ARRB1: variants seen among roughly 807,000 people sequenced by gnomAD.
The protein encoded by ARRB1 is arrestin beta 1, also known as beta-arrestin-1.
Under a neutral mutation model 56.8 loss-of-function variants are expected in ARRB1, and 21 were observed. The observed-to-expected ratio is 0.37, with a 90% CI of 0.26 to 0.53. The LOEUF (loss-of-function observed/expected upper bound fraction) is 0.53, where lower values mean the gene tolerates loss of function less well. Among genes scored for constraint, ARRB1 ranks in the 20% least tolerant of loss-of-function variants. The pLI, the probability that ARRB1 is intolerant of heterozygous loss-of-function variation, is 0.88. For missense variants in ARRB1, 424 were observed against 553.7 expected (o/e 0.77, Z 2.35); for synonymous variants, 210 against 218.6 (o/e 0.96, Z 0.35).
chr11:75,274,212 C>T lies in ARRB1; in HGVS notation c.777-1G>A. ...CGTCGAGCTGGGTGCCACAGTGTCA[C>T]TGGGAAGAAAGGAAGCAGCTGTGGA... is the stretch of plus-strand genomic sequence containing the variant. On this transcript the variant is annotated splice_acceptor_variant, in intron 10 of 15. Coordinates refer to ENST00000420843, the MANE Select transcript of ARRB1 (RefSeq NM_004041.5). LOFTEE classifies it high-confidence loss of function. 6.2e-7 allele frequency: 1 copy of T among 1,613,990 alleles called. No individual in the cohort carries two copies. The highest frequency in any genetic ancestry group is 2.2e-5 in the East Asian group (1 of 44,872).
rs142776460 is a variant in ARRB1 at position 75,307,514 on chromosome 11, C to G, written c.21-17475G>C. Among the ~76,000 whole-genome samples the G allele has an allele frequency of 6.0e-3, 917 of 152,270 alleles. 14 individuals carry two copies. The highest frequency in any genetic ancestry group is 6.7e-3 in the Non-Finnish European group (457 of 68,000). On this transcript the variant is annotated intron_variant, in intron 1 of 15. Coordinates refer to ENST00000420843, the MANE Select transcript of ARRB1 (RefSeq NM_004041.5). The stretch of plus-strand genomic sequence containing the variant: ...CTGTTACACAGAGAGTCCCAGGAAA[C>G]AGAAGTCATGGTGCCCCATCAGACA...
chr11:75,345,304 C>T (rs2135002660), intron 1 of ARRB1, among the ~76,000 whole-genome samples: 1 of 152,238 alleles, frequency 6.6e-6, no homozygotes, highest in African/African-American at 2.4e-5. Flanking sequence ...CCTGCCAGGG[C>T]CCCTTAGGGA....
chr11:75,327,301 CA>C lies in ARRB1; in HGVS notation c.20+24286del, dbSNP rs777940901. Among the ~76,000 whole-genome samples the C allele has an allele frequency of 9.9e-3, 597 of 60,248 alleles. 1 individual carries two copies. The highest frequency in any genetic ancestry group is 0.033 in the African/African-American group (496 of 15,232). The allele number at this position is 60,248 out of a possible 152,430, so 39.5% of individuals were successfully genotyped here. A position where few individuals can be genotyped will look rare whatever the true frequency, so the allele number is the denominator to read the frequency against. On this transcript the variant is annotated intron_variant, in intron 1 of 15. Transcript: ENST00000420843. Reference sequence around the variant, plus strand: ...TGGGTGACAGAGCGAAACTCCATCTCAAAAAAAAAAAAAAAAAAAAAAGAAT... The same window carrying C: ...TGGGTGACAGAGCGAAACTCCATCTCAAAAAAAAAAAAAAAAAAAAAGAAT...
chr11:75,300,635 T>C (rs1481923850), intron 1 of ARRB1, among the ~76,000 whole-genome samples: 15 of 152,080 alleles, frequency 9.9e-5, no homozygotes, highest in African/African-American at 3.6e-4. Flanking sequence ...ATTGAGACCA[T>C]CCTGGCCAAT....
intron 1 of ARRB1, among the ~76,000 whole-genome samples, chr11:75,324,602 T>C (rs1165601975): frequency 6.6e-6 from 1 of 151,220 alleles, no homozygotes; most frequent in African/African-American, 2.4e-5. Context: ...GCCTGGGGAG[T>C]GTGCGTGTGG....
chr11:75,278,775 C>T lies in ARRB1; in HGVS notation c.483-31G>A, dbSNP rs775652920. ...GGAGATGGGCGGAGTGAAAGAGGAC[C>T]AGGGTCACCTGCCTTCATCCCCTCT... On this transcript the variant is annotated intron_variant, in intron 7 of 15. Transcript: ENST00000420843. 5.1e-6 allele frequency: 8 copies of T among 1,581,282 alleles called. No homozygotes were observed. The South Asian group carries it at 9.1e-5, about 18-fold the overall frequency.
Position 75,265,707 on chromosome 11 carries a change from C to G in ARRB1, c.*456G>C, listed in dbSNP as rs1945891634. On this transcript the variant is annotated 3_prime_UTR_variant, in exon 16 of 16. Transcript: ENST00000420843. The stretch of plus-strand genomic sequence containing the variant: ...GCCCCTCCCAGCCAGAAGGAGGTGG[C>G]CTTCAACGCGGTCATCTTTTAGCTG... The G allele has an allele frequency of 5.7e-6, 1 of 176,922 alleles. No homozygotes were observed. The allele number at this position is 176,922 out of a possible 1,614,324, so 11.0% of individuals were successfully genotyped here.
intron 1 of ARRB1, among the ~76,000 whole-genome samples, chr11:75,316,805 C>G (rs191215483): frequency 6.6e-6 from 1 of 151,962 alleles, no homozygotes; most frequent in African/African-American, 2.4e-5. Context: ...CAGTGGCTCA[C>G]GCCTGTAATC....
Position 75,265,344 on chromosome 11 carries a change from G to A in ARRB1, c.*819C>T, listed in dbSNP as rs763248427. The A allele has an allele frequency of 2.0e-5, 3 of 152,400 alleles. No individual in the cohort carries two copies. The highest frequency in any genetic ancestry group is 2.9e-5 in the Non-Finnish European group (2 of 68,212). 9.4% of individuals were successfully genotyped at this position (152,400 alleles called of 1,614,324 possible). ...AGGAGCTTCAGCTCACTCTGCTGGG[G>A]GCTGGTGCTTGCTGAAGACCCCCTC... On this transcript the variant is annotated 3_prime_UTR_variant, in exon 16 of 16. Transcript: ENST00000420843.
intron 1 of ARRB1, among the ~76,000 whole-genome samples, chr11:75,347,530 C>T (rs779842921): frequency 1.3e-5 from 2 of 152,172 alleles, no homozygotes; most frequent in Non-Finnish European, 2.9e-5. Context: ...TAAGTGGAAA[C>T]GGCAAGGCCC....
At position 75,260,732 on chromosome 11, in the gene ARRB1, G is replaced by A. The variant is rs997793109; in HGVS notation, c.*5431C>T. The A allele has an allele frequency of 1.3e-5, 2 of 152,658 alleles. No individual in the cohort carries two copies. Among genetic ancestry groups the A allele is most frequent in the South Asian group, 4.1e-4 (2 of 4,826 alleles). 9.5% of individuals were successfully genotyped at this position (152,658 alleles called of 1,614,324 possible). A position where few individuals can be genotyped will look rare whatever the true frequency, so the allele number is the denominator to read the frequency against. On this transcript the variant is annotated 3_prime_UTR_variant, in exon 16 of 16. Transcript: ENST00000420843. ...ACATTTTCACCTAGAATTCCCTGGG[G>A]GGTGGGAGTGGGGGACAGGGCAGGC... is the stretch of plus-strand genomic sequence containing the variant.
intron 2 of ARRB1, among the ~76,000 whole-genome samples, chr11:75,287,746 C>T (rs552770242): frequency 2.6e-5 from 4 of 152,338 alleles, no homozygotes; most frequent in South Asian, 4.1e-4. Flanking sequence ...CCCAGGCAGG[C>T]GGGAGCGCTG....
At chr11:75,282,806 C>T (rs1183030736) in intron 5 of ARRB1, among the ~76,000 whole-genome samples, 1 of 152,258 alleles carries the variant, frequency 6.6e-6, no homozygotes, top group Non-Finnish European at 1.5e-5. Flanking sequence ...AGAGACCACA[C>T]TGAATCTCAG....
At chr11:75,287,099 T>C (rs1946497836) in intron 3 of ARRB1, among the ~76,000 whole-genome samples, 2 of 152,150 alleles carry the variant, frequency 1.3e-5, no homozygotes, top group Admixed American at 6.5e-5. Flanking sequence ...TCAGGACGCC[T>C]TCCCTGATTG....
intron 1 of ARRB1, chr11:75,303,674 G>A: frequency 2.2e-6 from 1 of 456,306 alleles, no homozygotes; most frequent in Non-Finnish European, 4.4e-6. Flanking sequence ...CAGACACTCA[G>A]TGAACAAGCA....
intron 1 of ARRB1, among the ~76,000 whole-genome samples, chr11:75,328,095 C>G (rs1236925731): frequency 6.6e-6 from 1 of 152,204 alleles, no homozygotes; most frequent in African/African-American, 2.4e-5. Flanking sequence ...TAGTCTCTCC[C>G]CATTCTTTCC....
At chr11:75,306,034 A>G (rs920612512) in intron 1 of ARRB1, among the ~76,000 whole-genome samples, 7 of 151,848 alleles carry the variant, frequency 4.6e-5, no homozygotes, top group African/African-American at 1.7e-4. Flanking sequence ...TTCCCCGCAC[A>G]CCCCGACACC....
chr11:75,315,063 A>C (rs1947242513), intron 1 of ARRB1, among the ~76,000 whole-genome samples: 1 of 152,070 alleles, frequency 6.6e-6, no homozygotes, highest in African/African-American at 2.4e-5. Flanking sequence ...CACCACCACC[A>C]CCACCACCCC....
In ARRB1 at chr11:75,347,996, C is replaced by G. The variant is rs113010308; in HGVS notation, c.20+3592G>C. Reference sequence around the variant, plus strand: ...TCTAGGCCTGCTCTTCCCATCCACCCTACTTGGCGCTGCCAAAGACATCTC... The same window carrying G: ...TCTAGGCCTGCTCTTCCCATCCACCGTACTTGGCGCTGCCAAAGACATCTC... On this transcript the variant is annotated intron_variant, in intron 1 of 15. Coordinates refer to ENST00000420843, the MANE Select transcript of ARRB1 (RefSeq NM_004041.5). Among the ~76,000 whole-genome samples the G allele has an allele frequency of 1.1e-3, 170 of 152,338 alleles. 1 individual carries two copies. Among genetic ancestry groups the G allele is most frequent in the Non-Finnish European group, 2.0e-3 (135 of 68,028 alleles).
Sources: allele counts gnomAD v4.1 joint callset (sites outside exome capture counted in the v4.1 genomes callset), GRCh38; gene constraint gnomAD v4.1.1; transcripts MANE v1.5; gene names NCBI Gene and HGNC (gene_info 2026-07-23, HGNC 2026-07-21).